GSE1: variants seen among roughly 807,000 people sequenced by gnomAD.
GSE1 encodes the protein Gse1 coiled-coil protein.
GSE1 carries 32 observed loss-of-function variants against 112.6 expected under a neutral mutation model. The ratio of observed to expected loss-of-function variants is 0.28; its 90% CI spans 0.21 to 0.38. The LOEUF is 0.38. GSE1 is among the 10% of genes least tolerant of loss of function. The pLI, the probability that GSE1 is intolerant of heterozygous loss-of-function variation, is 1.00. For missense variants in GSE1, 2,348 were observed against 1,699.2 expected (o/e 1.38, Z -6.71); for synonymous variants, 1,115 against 735.6 (o/e 1.52, Z -8.35).
chr16:85,532,036 C>T (rs2044155579), intron 2 of GSE1, among the ~76,000 whole-genome samples: 1 of 152,320 alleles, frequency 6.6e-6, no homozygotes, highest in Admixed American at 6.5e-5. Flanking sequence ...GTCTTCAGCA[C>T]AGGGCTTGCT....
At chr16:85,459,854 AG>A in intron 2 of GSE1, among the ~76,000 whole-genome samples, 1 of 152,290 alleles carries the variant, frequency 6.6e-6, no homozygotes, top group Admixed American at 6.5e-5. Flanking sequence ...TCCTTCACAG[AG>A]GGGGTTGCTG....
At chr16:85,320,076 A>C (rs781608940) in intron 1 of GSE1, among the ~76,000 whole-genome samples, 2 of 152,186 alleles carry the variant, frequency 1.3e-5, no homozygotes, top group Admixed American at 6.5e-5. Flanking sequence ...TTTTCACAGG[A>C]GAAATCTGTC....
intron 1 of GSE1, among the ~76,000 whole-genome samples, chr16:85,231,143 T>G (rs1425405395): frequency 7.0e-6 from 1 of 142,410 alleles, no homozygotes; most frequent in Non-Finnish European, 1.5e-5. Context: ...GATGGATGGA[T>G]GGATGGAAGG....
At chr16:85,304,607 G>C (rs28624325) in intron 1 of GSE1, among the ~76,000 whole-genome samples, 4 of 123,872 alleles carry the variant, frequency 3.2e-5, no homozygotes, top group South Asian at 3.1e-4. Flanking sequence ...GGGGCGGGGG[G>C]GTGGGGCATC....
intron 1 of GSE1, among the ~76,000 whole-genome samples, chr16:85,620,688 G>C (rs1012873545): frequency 1.3e-4 from 20 of 152,272 alleles, no homozygotes; most frequent in African/African-American, 4.8e-4. Flanking sequence ...GCCCCACTCA[G>C]CCCTGCATCT....
rs764439307 is a variant in GSE1, at chr16:85,478,895, CTT to C, written c.2464+121254_2464+121255del. Among the ~76,000 whole-genome samples, 85 of 76,346 alleles carry C rather than the reference CTT, an allele frequency of 1.1e-3. 2 individuals are homozygous for C. Among genetic ancestry groups the C allele is most frequent in the African/African-American group, 3.9e-3 (50 of 12,968 alleles). The allele number at this position is 76,346 out of a possible 152,430, so 50.1% of individuals were successfully genotyped here. A position where few individuals can be genotyped will look rare whatever the true frequency, so the allele number is the denominator to read the frequency against. ...TCTTTCTTTCTTTCTTTCTTTCTTT[CTT>C]TCTTTCTTTCTTTCTTTCTTTCTTT... On this transcript the variant is annotated intron_variant, in intron 2 of 2. Coordinates refer to the GSE1 transcript ENST00000637419.
intron 1 of GSE1, among the ~76,000 whole-genome samples, chr16:85,293,026 G>A (rs1009861848): frequency 6.6e-6 from 1 of 152,132 alleles, no homozygotes; most frequent in African/African-American, 2.4e-5. Flanking sequence ...AGCGTGTACG[G>A]TTGTGTGGCC....
intron 2 of GSE1, among the ~76,000 whole-genome samples, chr16:85,432,767 G>C (rs957798924): frequency 2.0e-5 from 3 of 152,174 alleles, no homozygotes; most frequent in African/African-American, 7.2e-5. Context: ...TTGACAGATA[G>C]GAAAAGCAAG....
intron 1 of GSE1, among the ~76,000 whole-genome samples, chr16:85,253,744 G>A (rs1354888040): frequency 6.6e-6 from 1 of 152,088 alleles, no homozygotes; most frequent in Non-Finnish European, 1.5e-5. Flanking sequence ...CCCGGTGGAG[G>A]GAACTGTGCG....
intron 2 of GSE1, among the ~76,000 whole-genome samples, chr16:85,450,653 C>A (rs767708646): frequency 5.3e-5 from 8 of 151,154 alleles, no homozygotes; most frequent in Admixed American, 5.3e-4. Context: ...GTTTCACCAT[C>A]TTGGCCAGGC....
intron 2 of GSE1, among the ~76,000 whole-genome samples, chr16:85,473,500 C>A (rs1308963522): frequency 6.6e-6 from 1 of 152,196 alleles, no homozygotes. Flanking sequence ...CTCTCCAGGG[C>A]TCCGAGAGAA....
chr16:85,438,853 G>A (rs2049311000), intron 2 of GSE1, among the ~76,000 whole-genome samples: 1 of 152,200 alleles, frequency 6.6e-6, no homozygotes, highest in South Asian at 2.1e-4. Flanking sequence ...GGCACTGTCT[G>A]TGCAGCTCCC....
Position 85,663,031 on chromosome 16 carries a change from G to A in GSE1, c.2311G>A (p.Val771Ile), listed in dbSNP as rs1236698570. ...TTACGACGAGAGCGATGAGGAGGAG[G>A]TCAGGGCCCACCTCCGTTGCGTGGC... ...DSYDESDEEE[V>I]RAHLRCVAEQ... Residue 771 changes from valine (V) to isoleucine (I), a missense_variant, in exon 10 of 16, where the codon GTC becomes ATC. Transcript: ENST00000253458. 2 of 1,613,360 alleles carry A rather than the reference G, an allele frequency of 1.2e-6. No homozygotes were observed. Among genetic ancestry groups the A allele is most frequent in the East Asian group, 2.2e-5 (1 of 44,882 alleles).
chr16:85,639,782 C>G lies in GSE1; in HGVS notation c.226+5650C>G, dbSNP rs920346711. Among the ~76,000 whole-genome samples, 74 of 152,250 alleles carry G rather than the reference C, an allele frequency of 4.9e-4. 1 individual carries two copies. Among genetic ancestry groups the G allele is most frequent in the African/African-American group, 1.7e-3 (69 of 41,472 alleles). On this transcript the variant is annotated intron_variant, in intron 2 of 15. Transcript: ENST00000253458. The stretch of plus-strand genomic sequence containing the variant: ...CCACTGCTGTGTGACGAAGCCAGGG[C>G]TGCTGCCAGGCACCCTCGCAAGCTG...
intron 1 of GSE1, among the ~76,000 whole-genome samples, chr16:85,176,232 C>T (rs550449601): frequency 6.6e-6 from 1 of 152,220 alleles, no homozygotes; most frequent in Admixed American, 6.5e-5. Context: ...CTTGGCCTCC[C>T]CAAATCCTGC....
chr16:85,404,756 GGC>G (rs572290135), intron 2 of GSE1, among the ~76,000 whole-genome samples: 37 of 24,154 alleles, frequency 1.5e-3, no homozygotes, highest in African/African-American at 2.0e-3. Flanking sequence ...TTACACTCAG[GGC>G]CCCCCCGGAT....
chr16:85,477,532 C>G (rs1229943126), intron 2 of GSE1, among the ~76,000 whole-genome samples: 2 of 133,702 alleles, frequency 1.5e-5, no homozygotes, highest in African/African-American at 5.7e-5. Flanking sequence ...TGGTCACTTT[C>G]CAGCTGCAGA....
At chr16:85,440,688 G>A (rs2049354386) in intron 2 of GSE1, among the ~76,000 whole-genome samples, 1 of 152,244 alleles carries the variant, frequency 6.6e-6, no homozygotes. Context: ...CTTTTTTCAG[G>A]TTGGGTAAGT....
chr16:85,605,177 C>A (rs2047647392), intron 1 of GSE1, among the ~76,000 whole-genome samples: 3 of 151,850 alleles, frequency 2.0e-5, no homozygotes, highest in African/African-American at 7.3e-5. Context: ...TGGGCCCCAC[C>A]CGCTGTCCTG....
Sources: gnomAD v4.1 joint callset for allele counts (sites outside exome capture counted in the v4.1 genomes callset) on GRCh38, gnomAD v4.1.1 for gene constraint, MANE v1.5 for transcripts, NCBI Gene and HGNC (gene_info 2026-07-23, HGNC 2026-07-21) for gene names.